The following WDR70 variants were observed in gnomAD, a reference collection of about 807,000 sequenced individuals.
WDR70 encodes WD repeat domain 70.
WDR70 carries 53 observed loss-of-function variants against 88.6 expected under a neutral mutation model. The ratio of observed to expected loss-of-function variants is 0.60; its 90% CI spans 0.48 to 0.75. The LOEUF (loss-of-function observed/expected upper bound fraction) is 0.75, where lower values mean the gene tolerates loss of function less well. WDR70 is among the 30% of genes least tolerant of loss of function. The pLI, the probability that WDR70 is intolerant of heterozygous loss-of-function variation, is 0.00. For missense variants in WDR70, 610 were observed against 823.2 expected, an observed-to-expected ratio of 0.74 and a Z score of 3.17; for synonymous variants, 280 against 270.0, an observed-to-expected ratio of 1.04 and a Z score of -0.36.
intron 4 of WDR70, among the ~76,000 whole-genome samples, chr5:37,396,157 G>T (rs1451878352): frequency 6.8e-6 from 1 of 147,636 alleles, no homozygotes; most frequent in Non-Finnish European, 1.5e-5. Flanking sequence ...TAATTGCTGT[G>T]ACCCTTTATT....
intron 10 of WDR70, among the ~76,000 whole-genome samples, chr5:37,620,776 T>C (rs528019986): frequency 1.3e-4 from 20 of 152,312 alleles, no homozygotes; most frequent in African/African-American, 4.8e-4. Context: ...CCTTGTGAGA[T>C]AGGCAAGGCT....
chr5:37,706,112 T>C (rs917412034), intron 13 of WDR70, among the ~76,000 whole-genome samples: 5 of 152,250 alleles, frequency 3.3e-5, no homozygotes, highest in Admixed American at 2.6e-4. Flanking sequence ...GGGCATTTTC[T>C]ATAATTATTT....
chr5:37,708,694 C>T (rs983966359), intron 13 of WDR70, among the ~76,000 whole-genome samples: 5 of 152,084 alleles, frequency 3.3e-5, no homozygotes, highest in Admixed American at 6.5e-5. Flanking sequence ...AAGGGACATA[C>T]GGCCATTCAG....
At chr5:37,717,745 G>A (rs1310804659) in intron 13 of WDR70, among the ~76,000 whole-genome samples, 1 of 152,168 alleles carries the variant, frequency 6.6e-6, no homozygotes, top group East Asian at 1.9e-4. Context: ...GGATTGTTTG[G>A]TTTGGCAGGT....
chr5:37,453,663 C>G (rs1344471045), intron 7 of WDR70, among the ~76,000 whole-genome samples: 3 of 152,238 alleles, frequency 2.0e-5, no homozygotes, highest in Non-Finnish European at 2.9e-5. Context: ...TTTGGGGGGC[C>G]TGTTCCCAAC....
chr5:37,435,032 T>A (rs1014823725), intron 5 of WDR70, among the ~76,000 whole-genome samples: 1 of 152,194 alleles, frequency 6.6e-6, no homozygotes, highest in Non-Finnish European at 1.5e-5. Context: ...GCCAATTATA[T>A]GGGATTTTTA....
chr5:37,573,993 T>G (rs917296817), intron 9 of WDR70, among the ~76,000 whole-genome samples: 2 of 152,066 alleles, frequency 1.3e-5, no homozygotes, highest in Non-Finnish European at 2.9e-5. Flanking sequence ...AAGATTTTTA[T>G]TGAGGGGAGG....
intron 9 of WDR70, among the ~76,000 whole-genome samples, chr5:37,574,868 C>CTGTT (rs1743009672): frequency 6.6e-6 from 1 of 152,192 alleles, no homozygotes; most frequent in African/African-American, 2.4e-5. Context: ...GCAAGTCTAT[C>CTGTT]TGTTGTACAT....
intron 8 of WDR70, among the ~76,000 whole-genome samples, chr5:37,502,127 TCTC>T (rs1300458962): frequency 6.6e-6 from 1 of 152,222 alleles, no homozygotes; most frequent in Admixed American, 6.5e-5. Flanking sequence ...GTTTTGTAGT[TCTC>T]CTTGTAGAGA....
At chr5:37,388,897 AT>A (rs1449942043) in intron 3 of WDR70, among the ~76,000 whole-genome samples, 31 of 152,068 alleles carry the variant, frequency 2.0e-4, no homozygotes, top group Admixed American at 1.7e-3. Context: ...TATTAAAAAA[AT>A]AATAGTAAAA....
intron 7 of WDR70, among the ~76,000 whole-genome samples, chr5:37,467,863 C>G (rs965976490): frequency 1.3e-5 from 2 of 151,936 alleles, no homozygotes; most frequent in Admixed American, 6.6e-5. Flanking sequence ...TACAGGCGCC[C>G]GCCACCGCGC....
At chr5:37,451,010 T>C (rs1392421990) in intron 7 of WDR70, among the ~76,000 whole-genome samples, 4 of 152,172 alleles carry the variant, frequency 2.6e-5, no homozygotes, top group Non-Finnish European at 5.9e-5. Flanking sequence ...GCGATTCTCC[T>C]GCCTGAGCCT....
intron 7 of WDR70, among the ~76,000 whole-genome samples, chr5:37,457,484 G>A (rs1193952096): frequency 1.3e-5 from 2 of 152,132 alleles, no homozygotes; most frequent in Non-Finnish European, 2.9e-5. Context: ...GTGTAAATTG[G>A]CACTGTCTTA....
chr5:37,728,825 G>A (rs550257580), intron 17 of WDR70, among the ~76,000 whole-genome samples: 9 of 152,224 alleles, frequency 5.9e-5, no homozygotes, highest in African/African-American at 2.2e-4. Flanking sequence ...TTTATCATCC[G>A]TGAATGAATT....
At chr5:37,677,580 T>A (rs1346235920) in intron 10 of WDR70, among the ~76,000 whole-genome samples, 1 of 152,230 alleles carries the variant, frequency 6.6e-6, no homozygotes, top group Non-Finnish European at 1.5e-5. Context: ...TCTAGTTTGA[T>A]TGCACTGTGG....
At chr5:37,603,059 A>G (rs911461257) in intron 9 of WDR70, among the ~76,000 whole-genome samples, 1 of 152,308 alleles carries the variant, frequency 6.6e-6, no homozygotes, top group Non-Finnish European at 1.5e-5. Flanking sequence ...TGTTGCTGAC[A>G]TGTCTAAACC....
At chr5:37,394,049 G>A (rs1461537583) in intron 4 of WDR70, among the ~76,000 whole-genome samples, 1 of 152,124 alleles carries the variant, frequency 6.6e-6, no homozygotes, top group Non-Finnish European at 1.5e-5. Flanking sequence ...GCTCATGCCT[G>A]TAATCCCAGC....
chr5:37,710,223 T>G (rs1747468284), intron 13 of WDR70, among the ~76,000 whole-genome samples: 1 of 152,130 alleles, frequency 6.6e-6, no homozygotes, highest in African/African-American at 2.4e-5. Context: ...ACTGTAAAAT[T>G]GATCTTTTTA....
chr5:37,555,532 A>C (rs913815709), intron 9 of WDR70, among the ~76,000 whole-genome samples: 2 of 152,182 alleles, frequency 1.3e-5, no homozygotes, highest in East Asian at 1.9e-4. Context: ...CCCATGCTCT[A>C]ATAGTTCAGA....
Sources: allele counts gnomAD v4.1 joint callset (sites outside exome capture counted in the v4.1 genomes callset), GRCh38; gene constraint gnomAD v4.1.1; transcripts MANE v1.5; gene names NCBI Gene and HGNC (gene_info 2026-07-23, HGNC 2026-07-21).